The following TMED5 variants were observed in gnomAD, a reference collection of about 807,000 sequenced individuals.
TMED5 encodes transmembrane p24 trafficking protein 5, also known as transmembrane emp24 domain-containing protein 5.
In TMED5, 27 loss-of-function variants were observed where a neutral mutation model predicts 23.0. That is an observed-to-expected ratio of 1.17 (90% confidence interval 0.86 to 1.62). TMED5 has a LOEUF of 1.62. Ranked by LOEUF, TMED5 falls within the 40% of genes most tolerant of loss-of-function variation. The probability of loss-of-function intolerance (pLI) is 0.00; values close to 1 mark genes in which losing one functional copy is unlikely to be tolerated. For missense variants in TMED5, 248 were observed against 273.7 expected, an observed-to-expected ratio of 0.91 and a Z score of 0.66; for synonymous variants, 97 against 100.8, an observed-to-expected ratio of 0.96 and a Z score of 0.23.
At chr1:93,156,104 A>G in intron 3 of TMED5, 196 bp downstream of exon 3, 2 of 1,364,470 alleles carry the variant, frequency 1.5e-6, no homozygotes, top group Admixed American at 5.1e-5. Context: ...AAGTTATTTG[A>G]AAACTATAAA....
intron 1 of TMED5, among the ~76,000 whole-genome samples, chr1:93,164,383 A>T (rs764045535): frequency 6.6e-6 from 1 of 152,198 alleles, no homozygotes; most frequent in Admixed American, 6.5e-5. Context: ...GGGCTGAATT[A>T]TGTAAGGGGC....
chr1:93,159,692 T>C (rs80237643), intron 2 of TMED5, among the ~76,000 whole-genome samples: 1 of 152,116 alleles, frequency 6.6e-6, no homozygotes, highest in Non-Finnish European at 1.5e-5. Flanking sequence ...AAAAAAAATT[T>C]ACGTACACAC....
intron 1 of TMED5, among the ~76,000 whole-genome samples, chr1:93,166,997 C>T (rs765149158): frequency 8.5e-5 from 13 of 152,064 alleles, no homozygotes; most frequent in East Asian, 1.9e-4. Flanking sequence ...CCAGTTTTCC[C>T]GGGACCATTT....
Position 93,154,845 on chromosome 1 carries a change from T to TGC in TMED5, c.513_514dup (p.His172ArgfsTer33). Reference sequence around the variant, plus strand: ...AAATGCTCTAAGCAGAGTTTGTATGTGCCCACTTTTGCTTAGTCTGGACTT... The same window carrying TGC: ...AAATGCTCTAAGCAGAGTTTGTATGTGCGCCCACTTTTGCTTAGTCTGGACTT... On this transcript the variant is annotated frameshift_variant, in exon 4 of 4. Coordinates refer to ENST00000370282, the MANE Select transcript of TMED5 (RefSeq NM_016040.5). LOFTEE classifies it high-confidence loss of function. The TGC allele has an allele frequency of 6.2e-7, 1 of 1,613,902 alleles. No individual in the cohort carries two copies. Among genetic ancestry groups the TGC allele is most frequent in the African/African-American group, 1.3e-5 (1 of 75,066 alleles).
intron 1 of TMED5, among the ~76,000 whole-genome samples, chr1:93,176,559 G>A (rs1373035876): frequency 6.6e-6 from 1 of 151,972 alleles, no homozygotes; most frequent in Non-Finnish European, 1.5e-5. Flanking sequence ...TTGAGGCAGG[G>A]TCTCGCTCTT....
chr1:93,178,644 G>T (rs1649041008), intron 1 of TMED5, among the ~76,000 whole-genome samples: 1 of 152,082 alleles, frequency 6.6e-6, no homozygotes, highest in Non-Finnish European at 1.5e-5. Flanking sequence ...TTCAGTAAAT[G>T]TTGAACTTTT....
intron 3 of TMED5, among the ~76,000 whole-genome samples, 160 bp from the exon 4 acceptor site, chr1:93,155,048 G>A (rs1648014494): frequency 6.6e-6 from 1 of 152,086 alleles, no homozygotes; most frequent in South Asian, 2.1e-4. Flanking sequence ...AGACTGGGCT[G>A]GACAACACAG....
At chr1:93,161,977 G>A (rs994764946) in intron 1 of TMED5, 3 of 151,644 alleles carry the variant, frequency 2.0e-5, no homozygotes, top group African/African-American at 7.3e-5. Flanking sequence ...TTTCCCTGTA[G>A]ATCTGTCTGC....
In TMED5 at chr1:93,149,914, G is replaced by A. The variant is rs1450235322; in HGVS notation, c.*4756C>T. The A allele has an allele frequency of 6.6e-6, 1 of 152,244 alleles. No individual in the cohort carries two copies. The highest frequency in any genetic ancestry group is 1.5e-5 in the Non-Finnish European group (1 of 68,038). 9.4% of individuals were successfully genotyped at this position (152,244 alleles called of 1,614,324 possible). A position where few individuals can be genotyped will look rare whatever the true frequency, so the allele number is the denominator to read the frequency against. On this transcript the variant is annotated 3_prime_UTR_variant, in exon 4 of 4. Transcript: ENST00000370282. ...CGCCTGTAATCTCAGCACTTGGGAA[G>A]TTGAGGCGGGCACATCACTTGAGCT... is the stretch of plus-strand genomic sequence containing the variant.
In TMED5 at chr1:93,175,175, T is replaced by TTATA. The variant is rs201008342; in HGVS notation, c.189+4875_189+4878dup. On this transcript the variant is annotated intron_variant, in intron 1 of 3. Coordinates refer to ENST00000370282, the MANE Select transcript of TMED5 (RefSeq NM_016040.5). The stretch of plus-strand genomic sequence containing the variant: ...TATTTATATAATACTTAAAAGCCAT[T>TTATA]TATATATATATATATATATATATAT... Among the ~76,000 whole-genome samples, 750 of 119,818 alleles carry TTATA rather than the reference T, an allele frequency of 6.3e-3. 15 individuals are homozygous for TTATA. The highest frequency in any genetic ancestry group is 0.019 in the African/African-American group (472 of 24,928). The allele number at this position is 119,818 out of a possible 152,430, so 78.6% of individuals were successfully genotyped here.
chr1:93,179,924 G>T, intron 1 of TMED5, 130 bp downstream of exon 1: 4 of 1,010,070 alleles, frequency 4.0e-6, no homozygotes, highest in Admixed American at 3.2e-5. Flanking sequence ...CGCGGAGCGG[G>T]CTGGCTTCCT....
Position 93,156,291 on chromosome 1 carries a change from C to A in TMED5, c.471+9G>T. ...AATAATTTTTATTTTATTAGAAGAC[C>A]ATACTGACCAGGATGTCTTCCAGTT... On this transcript the variant is annotated intron_variant, in intron 3 of 3. Transcript: ENST00000370282. 6.2e-7 allele frequency: 1 copy of A among 1,609,630 alleles called. No homozygotes were observed. Among genetic ancestry groups the A allele is most frequent in the Non-Finnish European group, 8.5e-7 (1 of 1,176,318 alleles).
At chr1:93,158,929 C>A in intron 2 of TMED5, 1 of 788,054 alleles carries the variant, frequency 1.3e-6, no homozygotes, top group Non-Finnish European at 1.5e-6. Context: ...TCAATATAAA[C>A]TGACTTTTAA....
intron 1 of TMED5, among the ~76,000 whole-genome samples, chr1:93,164,728 C>T (rs1471711998): frequency 3.9e-5 from 6 of 152,124 alleles, no homozygotes; most frequent in Non-Finnish European, 1.5e-5. Context: ...ACCTAGGGCA[C>T]ACACGATTCA....
chr1:93,159,478 A>G (rs942668913), intron 2 of TMED5, among the ~76,000 whole-genome samples: 5 of 152,224 alleles, frequency 3.3e-5, no homozygotes, highest in Non-Finnish European at 7.3e-5. Context: ...ATGTTATAGT[A>G]AGATAATAGA....
At chr1:93,156,221 T>C in intron 3 of TMED5, 79 bp downstream of exon 3, 2 of 1,336,620 alleles carry the variant, frequency 1.5e-6, no homozygotes, top group Non-Finnish European at 2.1e-6. Context: ...GCAGATAAAA[T>C]GCTTAGTTCA....
At chr1:93,156,733 G>A (rs562222022) in intron 2 of TMED5, among the ~76,000 whole-genome samples, 54 of 148,820 alleles carry the variant, frequency 3.6e-4, no homozygotes, top group African/African-American at 1.3e-3. Flanking sequence ...GCTTGAGCCC[G>A]GAAGGTTGAA....
intron 1 of TMED5, among the ~76,000 whole-genome samples, chr1:93,163,810 T>C (rs541413103): frequency 6.7e-6 from 1 of 150,156 alleles, no homozygotes; most frequent in South Asian, 2.1e-4. Context: ...ACCCTGTCTC[T>C]AATAAAAAAA....
intron 1 of TMED5, chr1:93,162,018 G>C (rs1026198492): frequency 2.7e-5 from 4 of 150,910 alleles, no homozygotes; most frequent in African/African-American, 9.8e-5. Context: ...CTCTTTCCCT[G>C]CGTTTTCTCT....
Sources: gnomAD v4.1 joint callset for allele counts (sites outside exome capture counted in the v4.1 genomes callset) on GRCh38, gnomAD v4.1.1 for gene constraint, MANE v1.5 for transcripts, NCBI Gene and HGNC (gene_info 2026-07-23, HGNC 2026-07-21) for gene names.